NPAS3: variants seen among roughly 807,000 people sequenced by gnomAD.
NPAS3 encodes neuronal PAS domain protein 3.
A neutral mutation model predicts 73.1 loss-of-function variants in NPAS3; 14 were observed. The ratio of observed to expected loss-of-function variants is 0.19; its 90% CI spans 0.13 to 0.30. The LOEUF is 0.30. NPAS3 is among the 10% of genes least tolerant of loss of function. The probability of loss-of-function intolerance (pLI) is 1.00; values close to 1 mark genes in which losing one functional copy is unlikely to be tolerated. For synonymous variants in NPAS3, 620 were observed against 541.5 expected (o/e 1.14, Z -2.01); for missense variants, 1,096 against 1,250.0 (o/e 0.88, Z 1.86).
chr14:33,557,593 G>T (rs2055417654), intron 4 of NPAS3, among the ~76,000 whole-genome samples: 1 of 152,212 alleles, frequency 6.6e-6, no homozygotes, highest in Admixed American at 6.5e-5. Flanking sequence ...AAGTCCCACT[G>T]CCAAAGTTCA....
At chr14:33,385,537 A>G (rs2046740498) in intron 4 of NPAS3, among the ~76,000 whole-genome samples, 1 of 152,188 alleles carries the variant, frequency 6.6e-6, no homozygotes, top group Non-Finnish European at 1.5e-5. Context: ...TAAAACTGAC[A>G]AAACAGGTAA....
intron 1 of NPAS3, among the ~76,000 whole-genome samples, chr14:33,018,774 T>C (rs2039485361): frequency 6.6e-6 from 1 of 152,244 alleles, no homozygotes; most frequent in South Asian, 2.1e-4. Context: ...AGGCAATTTC[T>C]TCTTCACAAT....
chr14:33,616,232 C>T (rs1411793264), intron 5 of NPAS3, among the ~76,000 whole-genome samples: 1 of 152,182 alleles, frequency 6.6e-6, no homozygotes, highest in African/African-American at 2.4e-5. Flanking sequence ...AGAGTCGATG[C>T]ATTCTGTCGA....
At chr14:33,035,924 T>G (rs1018206965) in intron 1 of NPAS3, among the ~76,000 whole-genome samples, 1 of 152,182 alleles carries the variant, frequency 6.6e-6, no homozygotes, top group Non-Finnish European at 1.5e-5. Flanking sequence ...CCAGTTTCTT[T>G]GGTCTCAGAG....
chr14:33,347,012 G>A (rs1354081604), intron 3 of NPAS3, among the ~76,000 whole-genome samples: 1 of 152,146 alleles, frequency 6.6e-6, no homozygotes, highest in East Asian at 1.9e-4. Flanking sequence ...CTGCCACTGG[G>A]ATAAGGGAGA....
In NPAS3 at chr14:33,382,407, ATAGG is replaced by A. The variant is rs573352788; in HGVS notation, c.468+15144_468+15147del. ...AGATCCTTCTGGATTATTGTAATTG[ATAGG>A]TAGGGCTGGGGGGACAAGTTTTTTT... On this transcript the variant is annotated intron_variant, in intron 4 of 11. Coordinates refer to ENST00000356141, the Ensembl canonical transcript of NPAS3. Among the ~76,000 whole-genome samples the A allele has an allele frequency of 1.1e-3, 166 of 152,222 alleles. 1 individual carries two copies. The highest frequency in any genetic ancestry group is 4.3e-3 in the Admixed American group (65 of 15,288).
intron 2 of NPAS3, among the ~76,000 whole-genome samples, chr14:33,110,400 T>C (rs2042853240): frequency 6.6e-6 from 1 of 152,176 alleles, no homozygotes; most frequent in African/African-American, 2.4e-5. Flanking sequence ...TTAGAAAACA[T>C]TGGTTAAACA....
intron 3 of NPAS3, among the ~76,000 whole-genome samples, chr14:33,222,233 T>G (rs1383696190): frequency 1.3e-5 from 2 of 152,144 alleles, no homozygotes; most frequent in Non-Finnish European, 2.9e-5. Context: ...CTTCCTAGAT[T>G]TTATGGCTTG....
intron 3 of NPAS3, among the ~76,000 whole-genome samples, chr14:33,351,526 T>C (rs2045051574): frequency 6.6e-6 from 1 of 152,176 alleles, no homozygotes; most frequent in African/African-American, 2.4e-5. Flanking sequence ...TCTTTGGAAG[T>C]TGAAAATATA....
At chr14:33,631,393 T>G (rs2058372941) in intron 5 of NPAS3, among the ~76,000 whole-genome samples, 1 of 152,220 alleles carries the variant, frequency 6.6e-6, no homozygotes, top group Admixed American at 6.5e-5. Context: ...TTTACTAATG[T>G]TTGCTATTGG....
intron 3 of NPAS3, among the ~76,000 whole-genome samples, chr14:33,288,900 G>C (rs2041984970): frequency 6.6e-6 from 1 of 152,136 alleles, no homozygotes; most frequent in African/African-American, 2.4e-5. Context: ...ACGTTGGGGA[G>C]TGCTCAATCA....
intron 2 of NPAS3, among the ~76,000 whole-genome samples, chr14:33,107,507 A>G (rs923316163): frequency 2.0e-5 from 3 of 152,034 alleles, no homozygotes; most frequent in Admixed American, 2.0e-4. Flanking sequence ...AATATGCAGT[A>G]TTTGGTTTTC....
chr14:33,522,253 A>T (rs2053589614), intron 4 of NPAS3, among the ~76,000 whole-genome samples: 1 of 152,168 alleles, frequency 6.6e-6, no homozygotes, highest in Admixed American at 6.5e-5. Flanking sequence ...ATGAAATATC[A>T]TATTTCATAT....
At position 33,662,869 on chromosome 14, in the gene NPAS3, CTTTT is replaced by C. The variant is rs550747845; in HGVS notation, c.559-13320_559-13317del. 3.3e-4 allele frequency among the ~76,000 whole-genome samples: 30 copies of C among 89,882 alleles called. No homozygotes were observed. In the South Asian group the frequency reaches 9.2e-3, roughly 28 times the overall value. The allele number at this position is 89,882 out of a possible 152,430, so 59.0% of individuals were successfully genotyped here. On this transcript the variant is annotated intron_variant, in intron 5 of 11. Coordinates refer to ENST00000356141, the Ensembl canonical transcript of NPAS3. ...TTGGGGCTGAGACAATGGGGTTTTC[CTTTT>C]TTTTTTTTTTTTTTTTTTTTTCTGT...
At chr14:33,701,058 GGA>G (rs1183592817) in intron 6 of NPAS3, among the ~76,000 whole-genome samples, 1 of 152,168 alleles carries the variant, frequency 6.6e-6, no homozygotes, top group Non-Finnish European at 1.5e-5. Context: ...GAAACAAAGG[GGA>G]GAGGAGAGGA....
chr14:33,150,146 A>G (rs1471214344), intron 2 of NPAS3, among the ~76,000 whole-genome samples: 1 of 152,192 alleles, frequency 6.6e-6, no homozygotes, highest in Non-Finnish European at 1.5e-5. Context: ...ATAGTATTCC[A>G]TGGTGTACAT....
chr14:33,062,570 G>A (rs957181976), intron 2 of NPAS3, among the ~76,000 whole-genome samples: 2 of 152,212 alleles, frequency 1.3e-5, no homozygotes, highest in African/African-American at 4.8e-5. Context: ...TTTCACCGGA[G>A]TGTATATTTT....
At chr14:33,529,983 C>T (rs1393182937) in intron 4 of NPAS3, among the ~76,000 whole-genome samples, 1 of 152,130 alleles carries the variant, frequency 6.6e-6, no homozygotes, top group Non-Finnish European at 1.5e-5. Flanking sequence ...GCATCTGTCC[C>T]ATTCGGTGAA....
intron 2 of NPAS3, among the ~76,000 whole-genome samples, chr14:33,133,769 A>C (rs2043728060): frequency 6.6e-6 from 1 of 152,080 alleles, no homozygotes; most frequent in Non-Finnish European, 1.5e-5. Context: ...CTTTTTTCCT[A>C]GAGGTTTACA....
Sources: gnomAD v4.1 joint callset for allele counts (sites outside exome capture counted in the v4.1 genomes callset) on GRCh38, gnomAD v4.1.1 for gene constraint, MANE v1.5 for transcripts, NCBI Gene and HGNC (gene_info 2026-07-23, HGNC 2026-07-21) for gene names.